ARB2A: variants seen among roughly 807,000 people sequenced by gnomAD.
The protein encoded by ARB2A is cotranscriptional regulator ARB2A.
At chr5:93,951,078 C>A in the ARB2A span, among the ~76,000 whole-genome samples, 1 of 152,020 alleles carries the variant, frequency 6.6e-6, no homozygotes, top group Non-Finnish European at 1.5e-5. Flanking sequence ...CTCTGATGAT[C>A]AACGACGTTG....
chr5:93,982,307 A>C, the ARB2A span, among the ~76,000 whole-genome samples: 1 of 152,322 alleles, frequency 6.6e-6, no homozygotes, highest in Admixed American at 6.5e-5. Flanking sequence ...TACTACATAT[A>C]CACATATGTA....
chr5:93,951,689 T>C, the ARB2A span, among the ~76,000 whole-genome samples: 2 of 152,166 alleles, frequency 1.3e-5, no homozygotes, highest in Non-Finnish European at 2.9e-5. Context: ...GATGTGTCTG[T>C]TTTTATGCCA....
the ARB2A span, among the ~76,000 whole-genome samples, chr5:94,000,685 A>C: frequency 1.3e-5 from 2 of 151,948 alleles, no homozygotes; most frequent in Non-Finnish European, 2.9e-5. Context: ...TCTTTCTTTC[A>C]CGGACTATAC....
chr5:94,040,936 A>T, the ARB2A span, among the ~76,000 whole-genome samples: 1 of 152,168 alleles, frequency 6.6e-6, no homozygotes, highest in Non-Finnish European at 1.5e-5. Flanking sequence ...AAGGAAAAAG[A>T]TAACTTTCCT....
chr5:93,721,145 T>G, the ARB2A span, among the ~76,000 whole-genome samples: 1 of 152,116 alleles, frequency 6.6e-6, no homozygotes, highest in Admixed American at 6.6e-5. Flanking sequence ...TTTAATTTGA[T>G]AGGTTTGTAA....
the ARB2A span, among the ~76,000 whole-genome samples, chr5:93,992,708 C>CA: frequency 5.3e-5 from 8 of 151,494 alleles, no homozygotes; most frequent in Non-Finnish European, 8.9e-5. Flanking sequence ...ACCATTCTGC[C>CA]AAAAAAAGCA....
the ARB2A span, among the ~76,000 whole-genome samples, chr5:93,623,203 C>A: frequency 6.6e-6 from 1 of 151,344 alleles, no homozygotes; most frequent in Non-Finnish European, 1.5e-5. Context: ...TTTTGAAAGA[C>A]CATTCTCAGA....
the ARB2A span, among the ~76,000 whole-genome samples, chr5:94,104,750 CAACA>C: frequency 6.6e-6 from 1 of 151,990 alleles, no homozygotes; most frequent in Admixed American, 6.6e-5. Context: ...TAAAAATCCT[CAACA>C]AACACTAGCA....
chr5:93,668,029 A>T, the ARB2A span, among the ~76,000 whole-genome samples: 1 of 152,068 alleles, frequency 6.6e-6, no homozygotes, highest in Admixed American at 6.6e-5. Context: ...TTTTCTACTA[A>T]TTTTTTTCTT....
At chr5:93,815,123 A>AT in the ARB2A span, among the ~76,000 whole-genome samples, 1 of 152,212 alleles carries the variant, frequency 6.6e-6, no homozygotes, top group Non-Finnish European at 1.5e-5. Context: ...GATTACAGGC[A>AT]TGAGCCTCAA....
At chr5:93,741,811 G>T in the ARB2A span, 1 of 443,766 alleles carries the variant, frequency 2.3e-6, no homozygotes, top group Non-Finnish European at 4.0e-6. Flanking sequence ...TCCCTTGTGG[G>T]ATTTGCATCT....
At chr5:93,886,442 G>T in the ARB2A span, among the ~76,000 whole-genome samples, 1 of 151,678 alleles carries the variant, frequency 6.6e-6, no homozygotes, top group African/African-American at 2.4e-5. Context: ...AAAGAAGATA[G>T]GTGCTCATCC....
chr5:93,995,050 CCACA>C, the ARB2A span, among the ~76,000 whole-genome samples: 3 of 151,982 alleles, frequency 2.0e-5, no homozygotes, highest in South Asian at 6.2e-4. Flanking sequence ...TCAAAACTTA[CCACA>C]CAAATACAGA....
the ARB2A span, among the ~76,000 whole-genome samples, chr5:94,010,449 C>G: frequency 6.6e-6 from 1 of 151,938 alleles, no homozygotes. Context: ...TGTATTACGG[C>G]CCAGAATATG....
the ARB2A span, among the ~76,000 whole-genome samples, chr5:93,818,857 T>C: frequency 6.6e-6 from 1 of 151,724 alleles, no homozygotes; most frequent in Non-Finnish European, 1.5e-5. Flanking sequence ...AAATGCAGAG[T>C]AGGGAGAATT....
At chr5:93,665,485 A>T in the ARB2A span, among the ~76,000 whole-genome samples, 1 of 152,208 alleles carries the variant, frequency 6.6e-6, no homozygotes, top group Non-Finnish European at 1.5e-5. Flanking sequence ...TGATAAAACT[A>T]AAGCATAATG....
chr5:93,930,752 T>C, the ARB2A span, among the ~76,000 whole-genome samples: 3 of 152,172 alleles, frequency 2.0e-5, no homozygotes, highest in Non-Finnish European at 2.9e-5. Context: ...AATATAAGCA[T>C]AGTTCTGTTG....
chr5:93,812,672 T>G, the ARB2A span, among the ~76,000 whole-genome samples: 1 of 152,160 alleles, frequency 6.6e-6, no homozygotes, highest in African/African-American at 2.4e-5. Context: ...AATAGGCATA[T>G]TAGAAGTTTA....
the ARB2A span, among the ~76,000 whole-genome samples, chr5:93,886,322 G>C: frequency 6.6e-6 from 1 of 151,638 alleles, no homozygotes; most frequent in Admixed American, 6.6e-5. Flanking sequence ...GGAATCCTTT[G>C]ACCTATGGAA....
Sources: gnomAD v4.1 joint callset for allele counts (sites outside exome capture counted in the v4.1 genomes callset) on GRCh38, gnomAD v4.1.1 for gene constraint, MANE v1.5 for transcripts, NCBI Gene and HGNC (gene_info 2026-07-23, HGNC 2026-07-21) for gene names.